Variants in VWF observed in about 807,000 individuals in gnomAD.
VWF encodes Factor VIII related antigen.
VWF carries 176 observed loss-of-function variants against 308.6 expected under a neutral mutation model. The ratio of observed to expected loss-of-function variants is 0.57; its 90% CI spans 0.50 to 0.65. The LOEUF is 0.65. Among genes scored for constraint, VWF ranks in the 30% least tolerant of loss-of-function variants. The pLI is 0.00. For synonymous variants in VWF, 1,385 were observed against 1,443.4 expected (o/e 0.96, Z 0.92); for missense variants, 3,146 against 3,648.2 (o/e 0.86, Z 3.55).
In VWF at chr12:6,019,123, G is replaced by A. The variant is rs1229196096; in HGVS notation, c.4295C>T (p.Ala1432Val). The A allele has an allele frequency of 1.2e-6, 2 of 1,613,890 alleles. No homozygotes were observed. Among genetic ancestry groups the A allele is most frequent in the East Asian group, 2.2e-5 (1 of 44,862 alleles). Residue 1432 changes from alanine (A) to valine (V), a missense_variant, in exon 28 of 52, where the codon GCC (alanine) becomes GTC (valine). By Grantham distance (64) the Ala-to-Val change is moderately conservative (BLOSUM62 0). This residue lies in a region of VWF where 853 missense variants were observed against 1,177.8 expected (regional missense o/e 0.72). Coordinates refer to ENST00000261405, the MANE Select transcript of VWF (RefSeq NM_000552.5). This position sits in a 1 kb window ranked among gnomAD's most constrained non-coding sequence, Gnocchi z 5.8. ...LKQIRLIEKQAPENKAFVLSS... is the reference protein window; with the variant it reads ...LKQIRLIEKQVPENKAFVLSS... ...CAGCACGAAGGCCTTGTTCTCAGGG[G>A]CCTGCTTCTCGATGAGGCGGATCTG...
chr12:5,951,709 A>AT (rs1943192770), intron 50 of VWF, 135 bp downstream of exon 50: 4 of 1,032,298 alleles, frequency 3.9e-6, no homozygotes, highest in Admixed American at 3.5e-5. Context: ...TGGTCACGAA[A>AT]TATCTTTCTG....
At chr12:6,065,313 G>A in intron 10 of VWF, 40 bp from the exon 11 acceptor site, 1 of 1,612,814 alleles carries the variant, frequency 6.2e-7, no homozygotes, top group East Asian at 2.2e-5. Flanking sequence ...TGGGAGGTGA[G>A]GGCACTTCCC....
At chr12:5,952,589 C>G in intron 48 of VWF, 70 bp from the exon 49 acceptor site, 2 of 1,582,910 alleles carry the variant, frequency 1.3e-6, no homozygotes, top group South Asian at 1.1e-5. Flanking sequence ...AAACCATGAG[C>G]TTGACTCCAT....
intron 16 of VWF, among the ~76,000 whole-genome samples, chr12:6,050,150 C>G (rs1944493238): frequency 6.6e-6 from 1 of 152,156 alleles, no homozygotes; most frequent in African/African-American, 2.4e-5. Flanking sequence ...CCATCACTTG[C>G]CCTCTACCTC....
In VWF at chr12:6,081,486, C is replaced by T. The variant is rs563411401; in HGVS notation, c.658-5935G>A. ...TCCCAAGTAGCTGGGATTACAGGTA[C>T]GCGCAACCATGCCCAGCTAATTTTT... On this transcript the variant is annotated intron_variant, in intron 6 of 51. Coordinates refer to ENST00000261405, the MANE Select transcript of VWF (RefSeq NM_000552.5). Among the ~76,000 whole-genome samples the T allele has an allele frequency of 2.3e-4, 35 of 152,246 alleles. No individual in the cohort carries two copies. In the South Asian group the frequency reaches 2.5e-3, roughly 11 times the overall value.
chr12:6,014,778 G>C (rs748694467), intron 31 of VWF, among the ~76,000 whole-genome samples: 8 of 152,200 alleles, frequency 5.3e-5, no homozygotes, highest in Non-Finnish European at 1.2e-4. Context: ...GACCACCAAG[G>C]GGGTATATGT....
At chr12:6,099,637 G>C (rs1945140044) in intron 5 of VWF, among the ~76,000 whole-genome samples, 1 of 152,116 alleles carries the variant, frequency 6.6e-6, no homozygotes, top group South Asian at 2.1e-4. Context: ...AATAAGCAAT[G>C]GGGAAGGGAT....
intron 42 of VWF, among the ~76,000 whole-genome samples, chr12:5,976,806 G>A (rs995276337): frequency 6.6e-6 from 1 of 152,192 alleles, no homozygotes; most frequent in South Asian, 2.1e-4. Context: ...AAGAACAATA[G>A]GCTCTGGTAG....
chr12:5,960,912 A>G (rs1272382399), intron 47 of VWF, among the ~76,000 whole-genome samples: 1 of 152,194 alleles, frequency 6.6e-6, no homozygotes, highest in Non-Finnish European at 1.5e-5. Context: ...GCAGGAGGTG[A>G]GCAGTGGGCC....
intron 34 of VWF, among the ~76,000 whole-genome samples, chr12:6,011,150 C>G (rs1943988528): frequency 1.3e-5 from 2 of 152,212 alleles, no homozygotes; most frequent in African/African-American, 4.8e-5. Flanking sequence ...ATGACATGCT[C>G]TCCACAAGTG....
intron 34 of VWF, among the ~76,000 whole-genome samples, chr12:6,003,729 A>G (rs902596040): frequency 4.6e-5 from 7 of 152,034 alleles, no homozygotes; most frequent in African/African-American, 1.7e-4. Flanking sequence ...TAATGAATAA[A>G]GCATTTCAGT....
chr12:5,989,382 T>C (rs538670549), intron 38 of VWF, among the ~76,000 whole-genome samples: 2 of 152,244 alleles, frequency 1.3e-5, no homozygotes, highest in East Asian at 1.9e-4. Flanking sequence ...GTTTCTTTAA[T>C]GGAAATGTTC....
At chr12:6,030,707 GGGACT>G (rs1447455880) in intron 21 of VWF, among the ~76,000 whole-genome samples, 2 of 152,128 alleles carry the variant, frequency 1.3e-5, no homozygotes, top group Non-Finnish European at 2.9e-5. Context: ...TAGTACACAG[GGGACT>G]GAATTAGTTT....
At chr12:6,104,902 A>G (rs1945223936) in intron 5 of VWF, among the ~76,000 whole-genome samples, 1 of 152,218 alleles carries the variant, frequency 6.6e-6, no homozygotes, top group Non-Finnish European at 1.5e-5. Flanking sequence ...CATATACACA[A>G]TGGAAGACTA....
At chr12:5,984,621 C>G (rs1256512279) in intron 40 of VWF, among the ~76,000 whole-genome samples, 1 of 152,264 alleles carries the variant, frequency 6.6e-6, no homozygotes, top group East Asian at 1.9e-4. Context: ...ATTCAGCCCA[C>G]TATTCACAGA....
rs1943666770 is a variant in VWF at position 5,985,318 on chromosome 12, CTT to C, written c.6902-201_6902-200del. Among the ~76,000 whole-genome samples the C allele has an allele frequency of 3.3e-5, 5 of 152,342 alleles. No homozygotes were observed. In the South Asian group the frequency reaches 1.0e-3, roughly 32 times the overall value. The stretch of plus-strand genomic sequence containing the variant: ...CCTCACATTTACCCTCCAGGGGACT[CTT>C]AAGTCTGACCGTTGCTGGGGACCAG... On this transcript the variant is annotated intron_variant, in intron 39 of 51. Coordinates refer to ENST00000261405, the MANE Select transcript of VWF (RefSeq NM_000552.5).
At chr12:6,118,692 G>C (rs1447946683) in intron 3 of VWF, among the ~76,000 whole-genome samples, 1 of 151,976 alleles carries the variant, frequency 6.6e-6, no homozygotes, top group Non-Finnish European at 1.5e-5. Context: ...CGTGCACCCG[G>C]CCTCTTCCGG....
chr12:6,019,346 T>G lies in VWF; in HGVS notation c.4072A>C (p.Ser1358Arg). The change falls in exon 28 of 52, where the codon AGC becomes CGC. Residue 1358 changes from serine to arginine, a missense_variant. Physicochemically the swap from Ser to Arg is moderately radical, Grantham distance 110 (BLOSUM62 -1). Around this residue, in one of 3 missense-constraint regions of VWF, gnomAD observed 853 missense variants for 1,177.8 expected, o/e 0.72. Transcript: ENST00000261405. This position sits in a 1 kb window ranked among gnomAD's most constrained non-coding sequence, Gnocchi z 5.8. ...KYAGSQVAST[S>R]EVLKYTLFQI... Reference sequence around the variant, plus strand: ...AACAGTGTGTATTTCAAGACCTCGCTGGTGGAGGCCACCTGGCTGCCCGCA... The same window carrying G: ...AACAGTGTGTATTTCAAGACCTCGCGGGTGGAGGCCACCTGGCTGCCCGCA... The G allele has an allele frequency of 6.2e-7, 1 of 1,613,944 alleles. No homozygotes were observed. Among genetic ancestry groups the G allele is most frequent in the Non-Finnish European group, 8.5e-7 (1 of 1,179,850 alleles).
Position 5,953,606 on chromosome 12 carries a change from G to C in VWF, c.7888-12C>G. The C allele has an allele frequency of 6.2e-7, 1 of 1,611,292 alleles. No homozygotes were observed. Among genetic ancestry groups the C allele is most frequent in the Non-Finnish European group, 8.5e-7 (1 of 1,177,448 alleles). On this transcript the variant is annotated splice_polypyrimidine_tract_variant and intron_variant, in intron 47 of 51. Coordinates refer to ENST00000261405, the MANE Select transcript of VWF (RefSeq NM_000552.5). ...TCTTCCTTGTAACCCTGCATCCAGA[G>C]GGGGAAAAAGCAGCCATAGTTAACC...
Sources: allele counts gnomAD v4.1 joint callset (sites outside exome capture counted in the v4.1 genomes callset), GRCh38; gene constraint gnomAD v4.1.1; regional missense constraint gnomAD v4.1.1; non-coding constraint Gnocchi (gnomAD v3.1); transcripts MANE v1.5; gene names NCBI Gene and HGNC (gene_info 2026-07-23, HGNC 2026-07-21).